PLXNA2: variants seen among roughly 807,000 people sequenced by gnomAD.
PLXNA2 encodes plexin A2.
A neutral mutation model predicts 193.5 loss-of-function variants in PLXNA2; 91 were observed. That is an observed-to-expected ratio of 0.47 (90% CI 0.40 to 0.56). PLXNA2 has a LOEUF of 0.56. Among genes scored for constraint, PLXNA2 ranks in the 20% least tolerant of loss-of-function variants. The probability of loss-of-function intolerance (pLI) is 0.00; values close to 1 mark genes in which losing one functional copy is unlikely to be tolerated. For missense variants in PLXNA2, 1,995 were observed against 2,503.2 expected, an observed-to-expected ratio of 0.80 and a Z score of 4.33; for synonymous variants, 997 against 1,027.3, an observed-to-expected ratio of 0.97 and a Z score of 0.56.
rs1293802155 is a variant in PLXNA2 at position 208,217,555 on chromosome 1, T to G, written c.368A>C (p.Glu123Ala). The change falls in exon 2 of 32, where the codon GAG (glutamate) becomes GCG (alanine). Residue 123 changes from glutamate (E) to alanine (A), a missense_variant. Glu to Ala is a moderately radical substitution (Grantham distance 107, BLOSUM62 -1). Coordinates refer to ENST00000367033, the MANE Select transcript of PLXNA2 (RefSeq NM_025179.4). The surrounding 1 kb of genome is among the most constrained non-coding windows in gnomAD (Gnocchi z 4.7). ...VNKLLIIDYS[E>A]NRLLACGSLY... ...GCTCCCACAGGCCAGCAGGCGGTTC[T>G]CAGAGTAGTCAATGATGAGCAGCTT... 4 of 1,614,064 alleles carry G rather than the reference T, an allele frequency of 2.5e-6. No homozygotes were observed. In the African/African-American group the frequency reaches 5.3e-5, roughly 22 times the overall value.
chr1:208,181,122 G>C (rs1054651934), intron 3 of PLXNA2, among the ~76,000 whole-genome samples: 9 of 152,226 alleles, frequency 5.9e-5, no homozygotes, highest in African/African-American at 2.2e-4. Context: ...TCTCTGGAGT[G>C]ATAGGAACAC....
intron 4 of PLXNA2, among the ~76,000 whole-genome samples, chr1:208,117,863 A>G (rs6695230): frequency 6.6e-6 from 1 of 152,182 alleles, no homozygotes; most frequent in Non-Finnish European, 1.5e-5. Context: ...AAATCTGCAC[A>G]TCAGTCCATA....
chr1:208,200,429 C>T (rs1015736458), intron 3 of PLXNA2, among the ~76,000 whole-genome samples: 4 of 152,194 alleles, frequency 2.6e-5, no homozygotes, highest in Non-Finnish European at 5.9e-5. Flanking sequence ...TAGGTATATG[C>T]TGGGCCCATC....
In PLXNA2 at chr1:208,084,507, G is replaced by A. The variant is rs765146840; in HGVS notation, c.2171C>T (p.Ala724Val). 1.2e-5 allele frequency: 19 copies of A among 1,614,112 alleles called. No individual in the cohort carries two copies. Among genetic ancestry groups the A allele is most frequent in the South Asian group, 2.2e-5 (2 of 91,094 alleles). Reference protein sequence around the residue: ...VGEVKPITLKARNLPQPQSGQ... With the variant: ...VGEVKPITLKVRNLPQPQSGQ... Reference sequence around the variant, plus strand: ...GGACTGCGGCTGGGGCAGATTTCGCGCCTTAAGGGTGATTGGCTTTACCTC... The same window carrying A: ...GGACTGCGGCTGGGGCAGATTTCGCACCTTAAGGGTGATTGGCTTTACCTC... Residue 724 changes from alanine to valine, a missense_variant, in exon 10 of 32, where the codon GCG becomes GTG. By Grantham distance (64) the Ala-to-Val change is moderately conservative. Around this residue, in one of 3 missense-constraint regions of PLXNA2, gnomAD observed 1,291 missense variants for 1,673.6 expected, o/e 0.77. Coordinates refer to ENST00000367033, the MANE Select transcript of PLXNA2 (RefSeq NM_025179.4).
intron 9 of PLXNA2, among the ~76,000 whole-genome samples, chr1:208,091,744 C>T (rs1666717997): frequency 6.6e-6 from 1 of 152,072 alleles, no homozygotes; most frequent in East Asian, 1.9e-4. Flanking sequence ...GTGGCATGCC[C>T]CTGTAGTCCC....
At chr1:208,165,016 C>T (rs777661587) in intron 3 of PLXNA2, among the ~76,000 whole-genome samples, 2 of 152,224 alleles carry the variant, frequency 1.3e-5, no homozygotes, top group Non-Finnish European at 2.9e-5. Context: ...CTGGACCCTC[C>T]GCTTCTCTTG....
intron 4 of PLXNA2, among the ~76,000 whole-genome samples, chr1:208,107,752 T>G (rs12032925): frequency 0.15 from 22,066 of 152,054 alleles, 1,850 homozygotes; most frequent in East Asian, 0.36. Flanking sequence ...CTGAGGCTCC[T>G]TGGCCCCCTC....
intron 3 of PLXNA2, among the ~76,000 whole-genome samples, chr1:208,180,691 G>A (rs911547868): frequency 2.6e-5 from 4 of 152,266 alleles, no homozygotes; most frequent in African/African-American, 9.6e-5. Flanking sequence ...ACTTTACACA[G>A]CTAGCAAGGG....
chr1:208,162,062 C>T (rs551486063), intron 3 of PLXNA2, among the ~76,000 whole-genome samples: 2 of 152,138 alleles, frequency 1.3e-5, no homozygotes, highest in South Asian at 2.1e-4. Flanking sequence ...TGAGGCCAAG[C>T]GTAAATCCTG....
intron 4 of PLXNA2, among the ~76,000 whole-genome samples, chr1:208,114,022 G>A (rs747442398): frequency 4.6e-5 from 7 of 152,200 alleles, no homozygotes; most frequent in African/African-American, 1.7e-4. Flanking sequence ...CACCTTTAGT[G>A]TTGTCTGAGA....
chr1:208,131,951 A>G (rs1475031492), intron 4 of PLXNA2, among the ~76,000 whole-genome samples: 4 of 152,066 alleles, frequency 2.6e-5, no homozygotes, highest in Non-Finnish European at 5.9e-5. Flanking sequence ...AGATCCCTCA[A>G]CATTGCTGCA....
At chr1:208,218,479 C>T (rs1052231418) in intron 1 of PLXNA2, among the ~76,000 whole-genome samples, 4 of 152,188 alleles carry the variant, frequency 2.6e-5, no homozygotes, top group African/African-American at 9.7e-5. Flanking sequence ...TGATATTGCA[C>T]ACAAAATTCC....
At chr1:208,049,709 C>T (rs1665194126) in intron 17 of PLXNA2, among the ~76,000 whole-genome samples, 1 of 152,186 alleles carries the variant, frequency 6.6e-6, no homozygotes, top group Non-Finnish European at 1.5e-5. Context: ...GTTTCCTCTG[C>T]TACACAATGA....
At position 208,051,148 on chromosome 1, in the gene PLXNA2, C is replaced by T. The variant is rs1312594589; in HGVS notation, c.3162-46G>A. 9 of 1,599,296 alleles carry T rather than the reference C, an allele frequency of 5.6e-6. 1 individual carries two copies. In the Admixed American group the frequency reaches 1.5e-4, roughly 27 times the overall value. ...GGTTAGGTAAAAAACCCCCTCAAATCTGGCATGGTGAACCTCCACCTTAGG... is the reference window on the plus strand; with the variant it reads ...GGTTAGGTAAAAAACCCCCTCAAATTTGGCATGGTGAACCTCCACCTTAGG... On this transcript the variant is annotated intron_variant, in intron 16 of 31. Coordinates refer to ENST00000367033, the MANE Select transcript of PLXNA2 (RefSeq NM_025179.4).
intron 29 of PLXNA2, chr1:208,031,211 C>T: frequency 9.5e-7 from 1 of 1,053,052 alleles, no homozygotes; most frequent in Non-Finnish European, 1.1e-6. Flanking sequence ...CCCACGATGT[C>T]TGGCTGTGAA....
chr1:208,111,420 A>G (rs1344548731), intron 4 of PLXNA2, among the ~76,000 whole-genome samples: 2 of 152,094 alleles, frequency 1.3e-5, no homozygotes, highest in Non-Finnish European at 2.9e-5. Flanking sequence ...AGAGGCTGTG[A>G]GCAGGCTCCA....
intron 6 of PLXNA2, among the ~76,000 whole-genome samples, chr1:208,098,377 T>C (rs1290435123): frequency 6.6e-6 from 1 of 152,118 alleles, no homozygotes; most frequent in Non-Finnish European, 1.5e-5. Context: ...TAATATTCTC[T>C]TTAAGCATAC....
intron 31 of PLXNA2, 101 bp downstream of exon 31, chr1:208,027,908 C>T: frequency 8.7e-7 from 1 of 1,148,306 alleles, no homozygotes; most frequent in South Asian, 2.0e-5. Context: ...GGGCTTCTGA[C>T]TCCCTGAATG....
chr1:208,182,111 G>C (rs1342072552), intron 3 of PLXNA2, among the ~76,000 whole-genome samples: 1 of 152,244 alleles, frequency 6.6e-6, no homozygotes, highest in Non-Finnish European at 1.5e-5. Flanking sequence ...CCAGTAGAAG[G>C]AGATGAGCAA....
Sources: allele counts gnomAD v4.1 joint callset (sites outside exome capture counted in the v4.1 genomes callset), GRCh38; gene constraint gnomAD v4.1.1; regional missense constraint gnomAD v4.1.1; non-coding constraint Gnocchi (gnomAD v3.1); transcripts MANE v1.5; gene names NCBI Gene and HGNC (gene_info 2026-07-23, HGNC 2026-07-21).